PIK3AP1: variants seen among roughly 807,000 people sequenced by gnomAD.
PIK3AP1 encodes phosphoinositide 3-kinase adapter protein 1.
PIK3AP1 carries 21 observed loss-of-function variants against 88.1 expected under a neutral mutation model. The ratio of observed to expected loss-of-function variants is 0.24; its 90% CI spans 0.17 to 0.34. The LOEUF is 0.34. Ranked by LOEUF, PIK3AP1 falls within the 10% of genes least tolerant of loss-of-function variation. The probability of loss-of-function intolerance (pLI) is 1.00; values close to 1 mark genes in which losing one functional copy is unlikely to be tolerated. For missense variants in PIK3AP1, 828 were observed against 1,035.7 expected (o/e 0.80, Z 2.75); for synonymous variants, 398 against 400.0 (o/e 1.00, Z 0.06).
intron 8 of PIK3AP1, among the ~76,000 whole-genome samples, chr10:96,632,434 G>C (rs919504336): frequency 6.6e-6 from 1 of 150,538 alleles, no homozygotes; most frequent in African/African-American, 2.4e-5. Context: ...ACAAAAAGGA[G>C]AGGAGGAACC....
rs74151400 is a variant in PIK3AP1, at chr10:96,633,736, T to C, written c.1376-5243A>G. Among the ~76,000 whole-genome samples the C allele has an allele frequency of 5.2e-3, 787 of 152,352 alleles. 12 individuals carry two copies. Among genetic ancestry groups the C allele is most frequent in the African/African-American group, 0.018 (754 of 41,574 alleles). ...ATGAATGCTTATGAGTTCATTGTAATATTTGAATTTCTACACATATTCTCA... is the reference window on the plus strand; with the variant it reads ...ATGAATGCTTATGAGTTCATTGTAACATTTGAATTTCTACACATATTCTCA... On this transcript the variant is annotated intron_variant, in intron 8 of 16. Coordinates refer to ENST00000339364, the MANE Select transcript of PIK3AP1 (RefSeq NM_152309.3).
intron 13 of PIK3AP1, among the ~76,000 whole-genome samples, chr10:96,614,164 C>T (rs74151387): frequency 0.077 from 11,701 of 152,082 alleles, 1,398 homozygotes; most frequent in African/African-American, 0.26. Context: ...TGAGCCCAGA[C>T]GGCTGAGCAC....
chr10:96,636,303 T>C lies in PIK3AP1; in HGVS notation c.1376-7810A>G, dbSNP rs375744013. On this transcript the variant is annotated intron_variant, in intron 8 of 16. Coordinates refer to ENST00000339364, the MANE Select transcript of PIK3AP1 (RefSeq NM_152309.3). ...ATACTGGCCAACTGGCCTTGGCATG[T>C]GAAATTATTTTTAAAATGCTCTTTT... Among the ~76,000 whole-genome samples the C allele has an allele frequency of 1.8e-4, 28 of 152,224 alleles. No individual in the cohort carries two copies. The South Asian group carries it at 4.8e-3, about 26-fold the overall frequency.
chr10:96,669,792 C>G (rs1370530824), intron 2 of PIK3AP1, among the ~76,000 whole-genome samples: 3 of 151,308 alleles, frequency 2.0e-5, no homozygotes, highest in Non-Finnish European at 2.9e-5. Flanking sequence ...AAAAAAAAAC[C>G]AGAGAGAATT....
intron 16 of PIK3AP1, among the ~76,000 whole-genome samples, chr10:96,601,295 G>A (rs530066734): frequency 6.6e-6 from 1 of 151,754 alleles, no homozygotes; most frequent in Non-Finnish European, 1.5e-5. Flanking sequence ...TCAAAATGGC[G>A]AAACCCTGTC....
intron 6 of PIK3AP1, among the ~76,000 whole-genome samples, chr10:96,650,615 CG>C (rs1843524216): frequency 6.6e-6 from 1 of 152,068 alleles, no homozygotes; most frequent in Non-Finnish European, 1.5e-5. Context: ...TGCTGGTGGT[CG>C]GGGGGTGCCA....
intron 16 of PIK3AP1, among the ~76,000 whole-genome samples, chr10:96,600,369 C>T (rs1286783536): frequency 6.6e-6 from 1 of 152,232 alleles, no homozygotes; most frequent in Non-Finnish European, 1.5e-5. Context: ...ATCACCATCA[C>T]TGCTCTTGGT....
chr10:96,670,828 G>A (rs1358661063), intron 2 of PIK3AP1, among the ~76,000 whole-genome samples: 2 of 152,152 alleles, frequency 1.3e-5, no homozygotes, highest in Non-Finnish European at 2.9e-5. Context: ...GTAAAGTCTG[G>A]TCATAACTGA....
chr10:96,688,241 G>C (rs528513915), intron 2 of PIK3AP1, among the ~76,000 whole-genome samples: 1 of 152,082 alleles, frequency 6.6e-6, no homozygotes, highest in Non-Finnish European at 1.5e-5. Context: ...ATGAGGCCTT[G>C]CAAAAACACA....
intron 12 of PIK3AP1, among the ~76,000 whole-genome samples, chr10:96,617,121 G>A: frequency 6.6e-6 from 1 of 152,164 alleles, no homozygotes. Context: ...TCTCCCTGAA[G>A]CCTCCCCAGA....
chr10:96,674,655 A>C (rs1188057037), intron 2 of PIK3AP1, among the ~76,000 whole-genome samples: 1 of 152,252 alleles, frequency 6.6e-6, no homozygotes, highest in Non-Finnish European at 1.5e-5. Flanking sequence ...TGAATGAGAT[A>C]AGACCAACCA....
At chr10:96,696,589 T>G (rs2134279013) in intron 2 of PIK3AP1, among the ~76,000 whole-genome samples, 1 of 152,318 alleles carries the variant, frequency 6.6e-6, no homozygotes, top group Non-Finnish European at 1.5e-5. Flanking sequence ...ACAAACCCAT[T>G]CTGTAATGCA....
At chr10:96,641,086 C>CGTGTGTGT (rs56816682) in intron 8 of PIK3AP1, among the ~76,000 whole-genome samples, 162 of 143,338 alleles carry the variant, frequency 1.1e-3, no homozygotes, top group Middle Eastern at 3.5e-3. Flanking sequence ...GTGAGTGTGC[C>CGTGTGTGT]GTGTGTGTGT....
chr10:96,622,499 C>T (rs1230876644), intron 11 of PIK3AP1, among the ~76,000 whole-genome samples: 1 of 152,220 alleles, frequency 6.6e-6, no homozygotes, highest in East Asian at 1.9e-4. Context: ...CCGGTGAGTA[C>T]TGAAAAAGCC....
Position 96,676,079 on chromosome 10 carries a change from C to T in PIK3AP1, c.431-19145G>A, listed in dbSNP as rs570917044. Among the ~76,000 whole-genome samples, 5 of 152,236 alleles carry T rather than the reference C, an allele frequency of 3.3e-5. No homozygotes were observed. In the South Asian group the frequency reaches 1.0e-3, roughly 32 times the overall value. On this transcript the variant is annotated intron_variant, in intron 2 of 16. Transcript: ENST00000339364. ...GCATTGTGCCAGAATCTACCTACAA[C>T]CACAACTCCTCTCCTGTCTTCTGTT...
intron 3 of PIK3AP1, among the ~76,000 whole-genome samples, chr10:96,655,300 T>C (rs1843600049): frequency 6.6e-6 from 1 of 152,118 alleles, no homozygotes. Context: ...GGCCAGGAGT[T>C]TGAGGCCAAC....
chr10:96,609,591 A>C, intron 14 of PIK3AP1, 121 bp downstream of exon 14: 9 of 1,241,330 alleles, frequency 7.3e-6, no homozygotes, highest in Non-Finnish European at 1.0e-5. Context: ...TATACCTCTC[A>C]AACCCAAACC....
chr10:96,635,382 T>C (rs973789052), intron 8 of PIK3AP1, among the ~76,000 whole-genome samples: 16 of 152,350 alleles, frequency 1.1e-4, no homozygotes, highest in African/African-American at 3.8e-4. Context: ...AGATGTGCAC[T>C]GCCTTAAAAG....
At chr10:96,597,271 T>TTCCTTCC (rs1848776068) in intron 16 of PIK3AP1, among the ~76,000 whole-genome samples, 136 of 107,574 alleles carry the variant, frequency 1.3e-3, no homozygotes, top group African/African-American at 4.9e-3. Context: ...TCTTTCTTTC[T>TTCCTTCC]TTCCTTCCTT....
Sources: allele counts gnomAD v4.1 joint callset (sites outside exome capture counted in the v4.1 genomes callset), GRCh38; gene constraint gnomAD v4.1.1; transcripts MANE v1.5; gene names NCBI Gene and HGNC (gene_info 2026-07-23, HGNC 2026-07-21).